PKHD1: variants seen among roughly 807,000 people sequenced by gnomAD.
PKHD1 encodes fibrocystin.
PKHD1 carries 291 observed loss-of-function variants against 412.0 expected under a neutral mutation model. The observed-to-expected ratio is 0.71, with a 90% CI of 0.64 to 0.78. The LOEUF (loss-of-function observed/expected upper bound fraction) is 0.78. Ranked by LOEUF, PKHD1 falls within the 30% of genes least tolerant of loss-of-function variation. The probability of loss-of-function intolerance (pLI) is 0.00; values close to 1 mark genes in which losing one functional copy is unlikely to be tolerated. For synonymous variants in PKHD1, 1,777 were observed against 1,821.5 expected (o/e 0.98, Z 0.62); for missense variants, 4,825 against 4,950.7 (o/e 0.97, Z 0.76).
chr6:51,665,112 C>T (rs1025635518), intron 60 of PKHD1, among the ~76,000 whole-genome samples: 2 of 152,004 alleles, frequency 1.3e-5, no homozygotes, highest in African/African-American at 4.8e-5. Flanking sequence ...GATATCTTTT[C>T]TCCAGAATAT....
Position 51,748,640 on chromosome 6 carries a change from T to C in PKHD1, c.8976A>G (p.Glu2992=). The change falls in exon 58 of 67, where the codon GAA becomes GAG. Residue 2992 remains glutamate (E), a synonymous_variant. Transcript: ENST00000371117. ...FSGVLQLLNV[E]IQNFGSPLYS... is the part of the protein sequence containing the mutation. ...ACAATGGTGACCCGAAGTTCTGAAT[T>C]TCCACATTAAGAAGTTGAAGGACAC... is the stretch of plus-strand genomic sequence containing the variant. 1 of 1,613,724 alleles carries C rather than the reference T, an allele frequency of 6.2e-7. No individual in the cohort carries two copies.
intron 52 of PKHD1, among the ~76,000 whole-genome samples, chr6:51,800,969 C>T (rs1449265982): frequency 6.6e-6 from 1 of 152,090 alleles, no homozygotes; most frequent in Admixed American, 6.6e-5. Flanking sequence ...CTACATTCAG[C>T]CTTGGCTCCT....
chr6:51,912,304 C>T (rs572223599), intron 38 of PKHD1, 62 bp downstream of exon 38: 2 of 1,024,746 alleles, frequency 2.0e-6, no homozygotes, highest in Non-Finnish European at 3.1e-6. Flanking sequence ...AATGTCCAGA[C>T]CCCAATACAG....
intron 50 of PKHD1, among the ~76,000 whole-genome samples, chr6:51,846,911 C>A (rs928602592): frequency 3.3e-5 from 5 of 152,154 alleles, no homozygotes; most frequent in African/African-American, 1.2e-4. Context: ...CTTGGACTCT[C>A]TACTGTTCCT....
Position 51,934,106 on chromosome 6 carries a change from T to C in PKHD1, c.6121+4A>G. On this transcript the variant is annotated splice_donor_region_variant and intron_variant, in intron 37 of 66. Coordinates refer to ENST00000371117, the MANE Select transcript of PKHD1 (RefSeq NM_138694.4). ...CATTTCCTCTGATCAATTGCCTCACTCACCGTGCAGAGAAAGAGTTCCATT... is the reference window on the plus strand; with the variant it reads ...CATTTCCTCTGATCAATTGCCTCACCCACCGTGCAGAGAAAGAGTTCCATT... The C allele has an allele frequency of 6.2e-7, 1 of 1,602,832 alleles. No homozygotes were observed. The highest frequency in any genetic ancestry group is 8.5e-7 in the Non-Finnish European group (1 of 1,169,644).
chr6:52,060,420 T>A (rs984160484), intron 14 of PKHD1, among the ~76,000 whole-genome samples: 1 of 152,220 alleles, frequency 6.6e-6, no homozygotes, highest in Non-Finnish European at 1.5e-5. Context: ...GACAGATTGC[T>A]TATGAGAATT....
rs946508001 is a variant in PKHD1, at chr6:51,994,635, G to C, written c.5751+15674C>G. On this transcript the variant is annotated intron_variant, in intron 35 of 66. Coordinates refer to ENST00000371117, the MANE Select transcript of PKHD1 (RefSeq NM_138694.4). ...TCTGCTGCCCAGGCTGGAATGCAGT[G>C]CAGTGGCATAATCATGACTCACTGC... Among the ~76,000 whole-genome samples the C allele has an allele frequency of 2.2e-4, 34 of 151,966 alleles. 1 individual carries two copies. Among genetic ancestry groups the C allele is most frequent in the African/African-American group, 8.0e-4 (33 of 41,362 alleles).
At chr6:51,785,729 A>G (rs1162441216) in intron 53 of PKHD1, among the ~76,000 whole-genome samples, 1 of 152,066 alleles carries the variant, frequency 6.6e-6, no homozygotes, top group Non-Finnish European at 1.5e-5. Context: ...TCCTGAACTC[A>G]GCTTCCTCTA....
chr6:51,947,946 C>T (rs1280599648), intron 36 of PKHD1, among the ~76,000 whole-genome samples: 1 of 152,126 alleles, frequency 6.6e-6, no homozygotes, highest in Non-Finnish European at 1.5e-5. Context: ...CTTCCCATTC[C>T]ATGAATGGTA....
intron 60 of PKHD1, among the ~76,000 whole-genome samples, chr6:51,673,947 G>A (rs762978123): frequency 4.3e-4 from 65 of 152,300 alleles, no homozygotes; most frequent in Non-Finnish European, 9.0e-4. Context: ...TTGGAGGAAC[G>A]GAGTAAAAGG....
intron 53 of PKHD1, among the ~76,000 whole-genome samples, chr6:51,783,087 C>A (rs145016646): frequency 2.0e-5 from 3 of 152,232 alleles, no homozygotes; most frequent in Non-Finnish European, 4.4e-5. Flanking sequence ...ACAGGGCTGA[C>A]AAATACCCAT....
chr6:52,068,190 C>T (rs1182192596), intron 11 of PKHD1, among the ~76,000 whole-genome samples: 1 of 152,126 alleles, frequency 6.6e-6, no homozygotes, highest in Non-Finnish European at 1.5e-5. Flanking sequence ...TTAATTAAGG[C>T]TCAAAAAGCT....
chr6:51,697,478 C>T (rs992054877), intron 60 of PKHD1, among the ~76,000 whole-genome samples: 1 of 152,218 alleles, frequency 6.6e-6, no homozygotes, highest in Admixed American at 6.5e-5. Context: ...GGGCTGTCAA[C>T]CTTGGCACTT....
In PKHD1 at chr6:51,924,235, T is replaced by C. The variant is rs1785172891; in HGVS notation, c.6121+9875A>G. Among the ~76,000 whole-genome samples the C allele has an allele frequency of 2.0e-5, 3 of 152,350 alleles. No individual in the cohort carries two copies. In the South Asian group the frequency reaches 6.2e-4, roughly 32 times the overall value. ...GAAAAATCACAAGCTTCTGCCTATG[T>C]AGCTTTCCATTTACTTAACAAAGTT... On this transcript the variant is annotated intron_variant, in intron 37 of 66. Coordinates refer to ENST00000371117, the MANE Select transcript of PKHD1 (RefSeq NM_138694.4).
intron 60 of PKHD1, among the ~76,000 whole-genome samples, chr6:51,677,897 G>T (rs1490088677): frequency 2.0e-5 from 3 of 151,966 alleles, no homozygotes; most frequent in Admixed American, 1.3e-4. Context: ...TTTATTAGTA[G>T]AAATCTGTTC....
Position 52,076,361 on chromosome 6 carries a change from G to A in PKHD1, c.391-28C>T. 3.2e-6 allele frequency: 5 copies of A among 1,568,006 alleles called. No individual in the cohort carries two copies. In the South Asian group the frequency reaches 3.3e-5, roughly 10 times the overall value. On this transcript the variant is annotated intron_variant, in intron 5 of 66. Coordinates refer to ENST00000371117, the MANE Select transcript of PKHD1 (RefSeq NM_138694.4). ...GTTTAGAAAATAGTACCACAAGTGA[G>A]CATGTCATTAAAATATTCACAAACA...
chr6:51,772,940 TGCTC>T, intron 54 of PKHD1, 151 bp from the exon 55 acceptor site: 1 of 650,572 alleles, frequency 1.5e-6, no homozygotes. Flanking sequence ...ATTATTTAAA[TGCTC>T]TATTTTACAA....
intron 60 of PKHD1, among the ~76,000 whole-genome samples, chr6:51,667,008 T>C (rs1458493477): frequency 6.7e-6 from 1 of 149,322 alleles, no homozygotes; most frequent in Non-Finnish European, 1.5e-5. Flanking sequence ...TAAACATACG[T>C]GTGCATGTGT....
intron 32 of PKHD1, among the ~76,000 whole-genome samples, chr6:52,023,306 G>A (rs374564229): frequency 1.3e-5 from 2 of 152,232 alleles, no homozygotes; most frequent in South Asian, 2.1e-4. Flanking sequence ...CCCAGGTATA[G>A]AGTTTCTTAT....
Sources: gnomAD v4.1 joint callset for allele counts (sites outside exome capture counted in the v4.1 genomes callset) on GRCh38, gnomAD v4.1.1 for gene constraint, MANE v1.5 for transcripts, NCBI Gene and HGNC (gene_info 2026-07-23, HGNC 2026-07-21) for gene names.